Variants in RAB3GAP2 observed in about 807,000 individuals in gnomAD.
RAB3GAP2 encodes rab3 GTPase-activating protein non-catalytic subunit.
Under a neutral mutation model 185.3 loss-of-function variants are expected in RAB3GAP2, and 87 were observed. The ratio of observed to expected loss-of-function variants is 0.47; its 90% CI spans 0.39 to 0.56. The LOEUF is 0.56. Among genes scored for constraint, RAB3GAP2 ranks in the 20% least tolerant of loss-of-function variants. The pLI is 0.00. For synonymous variants in RAB3GAP2, 554 were observed against 576.1 expected (o/e 0.96, Z 0.55); for missense variants, 1,492 against 1,638.2 (o/e 0.91, Z 1.54).
chr1:220,204,800 T>C (rs555770993), intron 8 of RAB3GAP2, among the ~76,000 whole-genome samples: 66 of 138,746 alleles, frequency 4.8e-4, no homozygotes, highest in Non-Finnish European at 7.8e-4. Flanking sequence ...TGTGTTCTCA[T>C]TGTTCAATTC....
In RAB3GAP2 at chr1:220,171,125, TA is replaced by T. The variant is rs758289966; in HGVS notation, c.2578-6del. On this transcript the variant is annotated splice_polypyrimidine_tract_variant and splice_region_variant and intron_variant, in intron 23 of 34. Transcript: ENST00000358951. ...ACCCAAAACTGTTTGGGAAAACTAA[TA>T]AAAAATGCACTGGTGATTCTTTGCC... 6.2e-7 allele frequency: 1 copy of T among 1,611,894 alleles called. No individual in the cohort carries two copies. Among genetic ancestry groups the T allele is most frequent in the African/African-American group, 1.3e-5 (1 of 74,870 alleles).
intron 1 of RAB3GAP2, among the ~76,000 whole-genome samples, chr1:220,239,232 T>C (rs993733632): frequency 4.6e-5 from 7 of 152,196 alleles, no homozygotes; most frequent in Non-Finnish European, 7.3e-5. Context: ...AACTTTTTTT[T>C]TGTGGGGCTC....
intron 1 of RAB3GAP2, among the ~76,000 whole-genome samples, chr1:220,238,964 T>C (rs956446172): frequency 6.6e-6 from 1 of 152,156 alleles, no homozygotes; most frequent in African/African-American, 2.4e-5. Context: ...TACACATACA[T>C]AAAAGTATCA....
intron 2 of RAB3GAP2, among the ~76,000 whole-genome samples, chr1:220,223,168 C>T (rs1659338846): frequency 6.6e-6 from 1 of 152,166 alleles, no homozygotes; most frequent in South Asian, 2.1e-4. Flanking sequence ...CCACCTCAGC[C>T]CCTGAGTAGG....
intron 2 of RAB3GAP2, among the ~76,000 whole-genome samples, chr1:220,224,570 C>G (rs575024264): frequency 1.3e-5 from 2 of 152,212 alleles, no homozygotes; most frequent in Admixed American, 1.3e-4. Flanking sequence ...TATTTGGTCT[C>G]TAGGTAAACA....
intron 1 of RAB3GAP2, among the ~76,000 whole-genome samples, chr1:220,257,914 A>G (rs1660060423): frequency 1.3e-5 from 2 of 152,200 alleles, no homozygotes; most frequent in South Asian, 2.1e-4. Context: ...CTGACCCCAC[A>G]GAAATACAAA....
intron 21 of RAB3GAP2, among the ~76,000 whole-genome samples, chr1:220,177,966 C>T (rs377281006): frequency 5.3e-5 from 8 of 152,108 alleles, no homozygotes; most frequent in East Asian, 1.9e-4. Context: ...GTCACCAATC[C>T]GAGTTAACTC....
chr1:220,226,310 C>A (rs964360747), intron 2 of RAB3GAP2, among the ~76,000 whole-genome samples: 3 of 152,156 alleles, frequency 2.0e-5, no homozygotes, highest in Non-Finnish European at 4.4e-5. Flanking sequence ...GCCTTTCAAG[C>A]TTCTTCCCAA....
intron 17 of RAB3GAP2, among the ~76,000 whole-genome samples, chr1:220,186,787 C>T (rs1017447569): frequency 1.4e-4 from 21 of 152,064 alleles, no homozygotes; most frequent in African/African-American, 4.8e-4. Flanking sequence ...ATCAAGAAGA[C>T]ATTTTGCATT....
chr1:220,249,953 C>T (rs937831607), intron 1 of RAB3GAP2, among the ~76,000 whole-genome samples: 30 of 152,166 alleles, frequency 2.0e-4, no homozygotes, highest in Non-Finnish European at 4.4e-5. Context: ...AAGTTTGCTG[C>T]AGGGGCAGAA....
At position 220,231,494 on chromosome 1, in the gene RAB3GAP2, T is replaced by C. The variant is rs184965554; in HGVS notation, c.180+1305A>G. ...GTGTAAGCTCCCAGAAATAGGACTGTAAGAAGACCTATCTAATATTCATTC... is the reference window on the plus strand; with the variant it reads ...GTGTAAGCTCCCAGAAATAGGACTGCAAGAAGACCTATCTAATATTCATTC... On this transcript the variant is annotated intron_variant, in intron 2 of 34. Coordinates refer to ENST00000358951, the MANE Select transcript of RAB3GAP2 (RefSeq NM_012414.4). Among the ~76,000 whole-genome samples, 10 of 152,334 alleles carry C rather than the reference T, an allele frequency of 6.6e-5. No individual in the cohort carries two copies. In the East Asian group the frequency reaches 1.9e-3, roughly 29 times the overall value.
intron 2 of RAB3GAP2, among the ~76,000 whole-genome samples, chr1:220,222,457 A>C (rs12040195): frequency 6.6e-6 from 1 of 152,346 alleles, no homozygotes; most frequent in East Asian, 1.9e-4. Flanking sequence ...AAAATTCTCA[A>C]ATGAAAGATC....
At chr1:220,203,540 G>A (rs1658902740) in intron 8 of RAB3GAP2, among the ~76,000 whole-genome samples, 1 of 152,214 alleles carries the variant, frequency 6.6e-6, no homozygotes, top group East Asian at 1.9e-4. Context: ...TACTTCCCAG[G>A]AGACAAATGG....
chr1:220,189,515 ATT>A lies in RAB3GAP2; in HGVS notation c.1779+186_1779+187del, dbSNP rs35162828. Reference sequence around the variant, plus strand: ...ATTACAGTTACAGGCATGAATATTAATTTTTTTTTTTTTTTTTAAAGAGACAA... The same window carrying A: ...ATTACAGTTACAGGCATGAATATTAATTTTTTTTTTTTTTTAAAGAGACAA... On this transcript the variant is annotated intron_variant, in intron 17 of 34. Transcript: ENST00000358951. Among the ~76,000 whole-genome samples the A allele has an allele frequency of 0.094, 13,654 of 145,276 alleles. 738 individuals are homozygous for A. Among genetic ancestry groups the A allele is most frequent in the South Asian group, 0.13 (574 of 4,550 alleles).
chr1:220,204,517 T>C (rs868819766), intron 8 of RAB3GAP2, among the ~76,000 whole-genome samples: 1 of 152,278 alleles, frequency 6.6e-6, no homozygotes, highest in Middle Eastern at 3.4e-3. Context: ...AACTTTGTTT[T>C]GGGGCCATTA....
At chr1:220,263,828 G>A (rs917771064) in intron 1 of RAB3GAP2, among the ~76,000 whole-genome samples, 2 of 151,952 alleles carry the variant, frequency 1.3e-5, no homozygotes, top group East Asian at 3.9e-4. Flanking sequence ...GAAAAGACAA[G>A]ACTGGGAATC....
intron 1 of RAB3GAP2, among the ~76,000 whole-genome samples, chr1:220,237,926 T>C (rs867848811): frequency 6.6e-6 from 1 of 152,036 alleles, no homozygotes; most frequent in African/African-American, 2.4e-5. Flanking sequence ...CTTAATAATA[T>C]AGTTGATCAG....
In RAB3GAP2 at chr1:220,202,303, C is replaced by T. The variant is rs781684470; in HGVS notation, c.784G>A (p.Asp262Asn). 1.2e-6 allele frequency: 2 copies of T among 1,613,674 alleles called. No individual in the cohort carries two copies. The highest frequency in any genetic ancestry group is 2.7e-5 in the African/African-American group (2 of 74,892). The change falls in exon 9 of 35, where the codon GAC (aspartate) becomes AAC (asparagine). Residue 262 changes from aspartate to asparagine, a missense_variant. Coordinates refer to ENST00000358951, the MANE Select transcript of RAB3GAP2 (RefSeq NM_012414.4). ...ACACTAGCATGATCAATAATAGTGT[C>T]AATATCTTGTAGACCCCATTTCTTA... Reference protein sequence around the residue: ...AYKKWGLQDIDTIIDHASVGI... With the variant: ...AYKKWGLQDINTIIDHASVGI...
chr1:220,168,051 A>T (rs73098553), intron 24 of RAB3GAP2, among the ~76,000 whole-genome samples: 7,152 of 152,320 alleles, frequency 0.047, 209 homozygotes, highest in African/African-American at 0.079. Flanking sequence ...ATTGGTTAGT[A>T]TGACATTTGT....
Sources: gnomAD v4.1 joint callset for allele counts (sites outside exome capture counted in the v4.1 genomes callset) on GRCh38, gnomAD v4.1.1 for gene constraint, MANE v1.5 for transcripts, NCBI Gene and HGNC (gene_info 2026-07-23, HGNC 2026-07-21) for gene names.